The following ATP13A2 variants were observed in gnomAD, a reference collection of about 807,000 sequenced individuals.
ATP13A2 encodes polyamine-transporting ATPase 13A2.
Under a neutral mutation model 138.3 loss-of-function variants are expected in ATP13A2, and 83 were observed. The observed-to-expected ratio is 0.60, with a 90% CI of 0.50 to 0.72. ATP13A2 has a LOEUF of 0.72. Among genes scored for constraint, ATP13A2 ranks in the 30% least tolerant of loss-of-function variants. The pLI is 0.00. For synonymous variants in ATP13A2, 663 were observed against 699.0 expected (o/e 0.95, Z 0.81); for missense variants, 1,402 against 1,606.4 (o/e 0.87, Z 2.17).
intron 15 of ATP13A2, among the ~76,000 whole-genome samples, chr1:16,994,746 T>C (rs2100846008): frequency 6.6e-6 from 1 of 152,096 alleles, no homozygotes. Flanking sequence ...CACTGCAACC[T>C]CTGCCTCCCG....
Position 17,004,483 on chromosome 1 carries a change from GC to G in ATP13A2, c.478-73del. 1 of 1,577,670 alleles carries G rather than the reference GC, an allele frequency of 6.3e-7. No individual in the cohort carries two copies. The highest frequency in any genetic ancestry group is 8.7e-7 in the Non-Finnish European group (1 of 1,153,466). ...CAGAAGCAGTGTGCTTATGCTGGGA[GC>G]CGAGGGATGGGGGTAGGGGGCAGGG... On this transcript the variant is annotated intron_variant, in intron 5 of 28. Transcript: ENST00000326735. The surrounding 1 kb of genome is among the most constrained non-coding windows in gnomAD (Gnocchi z 4.1).
Position 16,986,719 on chromosome 1 carries a change from G to A in ATP13A2, c.3235+86C>T, listed in dbSNP as rs9435735. On this transcript the variant is annotated intron_variant, in intron 27 of 28. Coordinates refer to ENST00000326735, the MANE Select transcript of ATP13A2 (RefSeq NM_022089.4). This position sits in a 1 kb window ranked among gnomAD's most constrained non-coding sequence, Gnocchi z 6.9. The stretch of plus-strand genomic sequence containing the variant: ...GTGCACGCCAGTCTTCCACTCGGCC[G>A]GCACCTCTCTCCCATCTGCCTCCCC... The A allele has an allele frequency of 3.7e-3, 5,813 of 1,571,852 alleles. 172 individuals are homozygous for A. In the African/African-American group the frequency reaches 0.067, roughly 18 times the overall value.
intron 23 of ATP13A2, among the ~76,000 whole-genome samples, chr1:16,989,200 GCC>G (rs2076837857): frequency 6.6e-6 from 1 of 152,112 alleles, no homozygotes; most frequent in Non-Finnish European, 1.5e-5. Flanking sequence ...ACTGGCATGA[GCC>G]ACCGCGCCTG....
In ATP13A2 at chr1:16,986,526, G is replaced by T; in HGVS notation, c.3342C>A (p.Thr1114=). Reference sequence around the variant, plus strand: ...GACCCAGCAGCAGCAGCTTGAAGCCGGTGTCAGTGATGTTCCTCAGCGCCA... The same window carrying T: ...GACCCAGCAGCAGCAGCTTGAAGCCTGTGTCAGTGATGTTCCTCAGCGCCA... ...GPLALRNITD[T]GFKLLLLGLV... The change falls in exon 28 of 29, where the codon ACC becomes ACA. Residue 1114 remains threonine, a synonymous_variant. Transcript: ENST00000326735. This position sits in a 1 kb window ranked among gnomAD's most constrained non-coding sequence, Gnocchi z 6.9. The T allele has an allele frequency of 6.2e-7, 1 of 1,612,674 alleles. No homozygotes were observed.
intron 11 of ATP13A2, among the ~76,000 whole-genome samples, chr1:16,999,380 C>CAAAAAAAAA (rs67969184): frequency 1.8e-5 from 1 of 56,160 alleles, no homozygotes; most frequent in African/African-American, 7.5e-5. Context: ...AACTCCATCT[C>CAAAAAAAAA]AAAAAAAAAA....
At chr1:16,990,070 T>C in intron 21 of ATP13A2, 57 bp downstream of exon 21, 1 of 1,613,692 alleles carries the variant, frequency 6.2e-7, no homozygotes, top group South Asian at 1.1e-5. Context: ...CTGGGTCAGG[T>C]GACACAGGGG....
chr1:16,994,358 G>A (rs1422127510), intron 15 of ATP13A2, among the ~76,000 whole-genome samples: 3 of 151,652 alleles, frequency 2.0e-5, no homozygotes, highest in Non-Finnish European at 4.4e-5. Flanking sequence ...TCAGCCTCCC[G>A]AGCAGCTAGG....
rs1232321702 is a variant in ATP13A2 at position 16,991,810 on chromosome 1, C to A, written c.2175G>T (p.Arg725Ser). 5 of 1,614,154 alleles carry A rather than the reference C, an allele frequency of 3.1e-6. No homozygotes were observed. The highest frequency in any genetic ancestry group is 3.4e-6 in the Non-Finnish European group (4 of 1,180,054). ...DLSLLGLLVM[R>S]NLLKPQTTPV... Reference sequence around the variant, plus strand: ...GCGTTGTCTGCGGCTTCAGTAGGTTCCTCATGACCAGCAGCCCCAGGAGGC... The same window carrying A: ...GCGTTGTCTGCGGCTTCAGTAGGTTACTCATGACCAGCAGCCCCAGGAGGC... The change falls in exon 20 of 29, where the codon AGG (arginine) becomes AGT (serine). Residue 725 changes from arginine (R) to serine (S), a missense_variant. Transcript: ENST00000326735.
At position 16,994,200 on chromosome 1, in the gene ATP13A2, T is replaced by C. The variant is rs1367912579; in HGVS notation, c.1543-365A>G. Among the ~76,000 whole-genome samples, 10 of 150,374 alleles carry C rather than the reference T, an allele frequency of 6.7e-5. 1 individual carries two copies. The highest frequency in any genetic ancestry group is 2.1e-4 in the South Asian group (1 of 4,768). Reference sequence around the variant, plus strand: ...GGTTGGCTCGCTCTCTCTCTCTCATTTATTTATTTATTTATTTATTTATTT... The same window carrying C: ...GGTTGGCTCGCTCTCTCTCTCTCATCTATTTATTTATTTATTTATTTATTT... On this transcript the variant is annotated intron_variant, in intron 15 of 28. Coordinates refer to ENST00000326735, the MANE Select transcript of ATP13A2 (RefSeq NM_022089.4).
chr1:17,005,751 G>A lies in ATP13A2; in HGVS notation c.38C>T (p.Pro13Leu). Residue 13 changes from proline (P) to leucine (L), a missense_variant, in exon 2 of 29, where the codon CCC (proline) becomes CTC (leucine). By Grantham distance (98) the Pro-to-Leu change is moderately conservative. Transcript: ENST00000326735. Reference protein sequence around the residue: ...ADSSPLVGSTPTGYGTLTIGT... With the variant: ...ADSSPLVGSTLTGYGTLTIGT... Reference sequence around the variant, plus strand: ...TATCGTCAGGGTCCCATAACCGGTGGGCGTGCTGCCCACGAGAGGGCTGCT... The same window carrying A: ...TATCGTCAGGGTCCCATAACCGGTGAGCGTGCTGCCCACGAGAGGGCTGCT... 1.9e-6 allele frequency: 3 copies of A among 1,612,688 alleles called. No homozygotes were observed. The highest frequency in any genetic ancestry group is 2.5e-6 in the Non-Finnish European group (3 of 1,179,370).
chr1:17,009,294 G>A (rs866223159), intron 1 of ATP13A2, among the ~76,000 whole-genome samples: 4 of 151,844 alleles, frequency 2.6e-5, no homozygotes, highest in African/African-American at 7.3e-5. Context: ...CTGATTGACC[G>A]ACTGACTGAA....
rs755068593 is a variant in ATP13A2 at position 16,987,114 on chromosome 1, C to G, written c.3015G>C (p.Leu1005=). 2 of 1,613,472 alleles carry G rather than the reference C, an allele frequency of 1.2e-6. No homozygotes were observed. Among genetic ancestry groups the G allele is most frequent in the Non-Finnish European group, 8.5e-7 (1 of 1,179,942 alleles). ...CGGTCACCAGGACCATCTGCAGCAGCAGGCTGCTGAGCACGGGCACGCTGA... is the reference window on the plus strand; with the variant it reads ...CGGTCACCAGGACCATCTGCAGCAGGAGGCTGCTGAGCACGGGCACGCTGA... ...ALLSVPVLSS[L]LLQMVLVTGV... The change falls in exon 26 of 29, where the codon CTG becomes CTC. Residue 1005 remains leucine, a synonymous_variant. Transcript: ENST00000326735.
At chr1:17,000,177 G>A (rs768373154) in intron 10 of ATP13A2, 35 bp from the exon 11 acceptor site, 2 of 1,611,502 alleles carry the variant, frequency 1.2e-6, no homozygotes, top group Non-Finnish European at 8.5e-7. Flanking sequence ...CAGCTAGGTG[G>A]GGCCAGCCCC....
At chr1:17,001,000 G>A (rs375385530) in intron 8 of ATP13A2, among the ~76,000 whole-genome samples, 3 of 151,948 alleles carry the variant, frequency 2.0e-5, no homozygotes, top group East Asian at 3.9e-4. Context: ...CCCACTACAC[G>A]CCAAGTGCTT....
In ATP13A2 at chr1:16,986,776, G is replaced by A. The variant is rs773291692; in HGVS notation, c.3235+29C>T. ...CCAGGGCTCCTCCCTCCCTCCGCCA[G>A]CATCTCCCGCCCGCGCCCGCAGTGG... is the stretch of plus-strand genomic sequence containing the variant. On this transcript the variant is annotated intron_variant, in intron 27 of 28. Coordinates refer to ENST00000326735, the MANE Select transcript of ATP13A2 (RefSeq NM_022089.4). The surrounding 1 kb of genome is among the most constrained non-coding windows in gnomAD (Gnocchi z 6.9). 8.7e-6 allele frequency: 14 copies of A among 1,605,188 alleles called. No homozygotes were observed. The highest frequency in any genetic ancestry group is 1.1e-5 in the Non-Finnish European group (13 of 1,177,190).
Position 16,988,980 on chromosome 1 carries a change from G to C in ATP13A2, c.2610-506C>G, listed in dbSNP as rs1487421212. On this transcript the variant is annotated intron_variant, in intron 23 of 28. Coordinates refer to ENST00000326735, the MANE Select transcript of ATP13A2 (RefSeq NM_022089.4). ...CTCCCTCTGTTGCCCAGGCTAGAGT[G>C]CAGTGGCGTGATCTCTGCTCACTAC... Among the ~76,000 whole-genome samples, 4 of 151,796 alleles carry C rather than the reference G, an allele frequency of 2.6e-5. No individual in the cohort carries two copies. In the East Asian group the frequency reaches 7.8e-4, roughly 29 times the overall value.
intron 11 of ATP13A2, among the ~76,000 whole-genome samples, chr1:16,998,508 C>T (rs1004478636): frequency 1.3e-5 from 2 of 151,920 alleles, no homozygotes; most frequent in Admixed American, 6.6e-5. Flanking sequence ...GCCTGGCCTA[C>T]GATTTGTGAT....
chr1:16,989,752 C>T lies in ATP13A2; in HGVS notation c.2548G>A (p.Val850Ile), dbSNP rs566172222. 2 of 1,614,104 alleles carry T rather than the reference C, an allele frequency of 1.2e-6. No individual in the cohort carries two copies. The highest frequency in any genetic ancestry group is 2.7e-5 in the African/African-American group (2 of 75,076). Reference sequence around the variant, plus strand: ...TGCTCAGGGGCCATGCGGGCAAAGACAGTGCCCTGGACCAGGACCTGGGAG... The same window carrying T: ...TGCTCAGGGGCCATGCGGGCAAAGATAGTGCCCTGGACCAGGACCTGGGAG... ...LLPKVLVQGT[V>I]FARMAPEQKT... The change falls in exon 23 of 29, where the codon GTC becomes ATC. Residue 850 changes from valine (V) to isoleucine (I), a missense_variant. By Grantham distance (29) the Val-to-Ile change is conservative. Transcript: ENST00000326735.
intron 12 of ATP13A2, among the ~76,000 whole-genome samples, 172 bp downstream of exon 12, chr1:16,996,848 G>A (rs544488207): frequency 1.5e-4 from 22 of 150,626 alleles, no homozygotes; most frequent in African/African-American, 4.6e-4. Context: ...CTTCTGCTAA[G>A]ATGGGAATGC....
Sources: gnomAD v4.1 joint callset for allele counts (sites outside exome capture counted in the v4.1 genomes callset) on GRCh38, gnomAD v4.1.1 for gene constraint, Gnocchi (gnomAD v3.1) non-coding constraint, MANE v1.5 for transcripts, NCBI Gene and HGNC (gene_info 2026-07-23, HGNC 2026-07-21) for gene names.